Variants in PLSCR2 observed in about 807,000 individuals in gnomAD.
PLSCR2 encodes PL scramblase 2.
Under a neutral mutation model 25.3 loss-of-function variants are expected in PLSCR2, and 18 were observed. That is an observed-to-expected ratio of 0.71 (90% CI 0.49 to 1.06). The LOEUF (loss-of-function observed/expected upper bound fraction) is 1.06. Ranked by LOEUF, PLSCR2 falls within the 50% of genes least tolerant of loss-of-function variation. PLSCR2 has a pLI of 0.00. For synonymous variants in PLSCR2, 88 were observed against 87.3 expected, an observed-to-expected ratio of 1.01 and a Z score of -0.04; for missense variants, 243 against 269.5, an observed-to-expected ratio of 0.90 and a Z score of 0.69.
At chr3:146,455,396 T>C (rs1355806350) in exon 4 of PLSCR2, 5 of 1,613,750 alleles carry the variant, frequency 3.1e-6, no homozygotes, top group Non-Finnish European at 4.2e-6. Context: ...TGCTGCAAAA[T>C]AAATCCTCTG....
At chr3:146,408,037 G>T (rs1198293831) in intron 2 of PLSCR2, among the ~76,000 whole-genome samples, 2 of 152,148 alleles carry the variant, frequency 1.3e-5, no homozygotes, top group Admixed American at 1.3e-4. Flanking sequence ...ATACTGCCAG[G>T]ATGCGAGCAT....
intron 2 of PLSCR2, among the ~76,000 whole-genome samples, chr3:146,421,444 A>C (rs1306984904): frequency 6.6e-6 from 1 of 152,098 alleles, no homozygotes; most frequent in Admixed American, 6.6e-5. Flanking sequence ...ATAAAATCTC[A>C]ATTAGATCAG....
chr3:146,434,826 G>T (rs2039735410), intron 8 of PLSCR2, among the ~76,000 whole-genome samples: 1 of 151,734 alleles, frequency 6.6e-6, no homozygotes, highest in Admixed American at 6.6e-5. Flanking sequence ...CAATGTGCAG[G>T]TTTGTTACAT....
intron 1 of PLSCR2, among the ~76,000 whole-genome samples, chr3:146,472,323 A>G (rs1364051212): frequency 1.3e-5 from 2 of 152,248 alleles, no homozygotes; most frequent in African/African-American, 2.4e-5. Flanking sequence ...TGATTAATCT[A>G]TCAATTATTC....
rs768228340 is a variant in PLSCR2, at chr3:146,459,940, G to A, written c.-36C>T. ...CCTTCAGGTCTACCTGGCTGATTTT[G>A]AACAGGAATGCCAGCTGTGCCAGCA... On this transcript the variant is annotated 5_prime_UTR_variant, in exon 2 of 7. Transcript: ENST00000610787. 3 of 1,613,960 alleles carry A rather than the reference G, an allele frequency of 1.9e-6. No individual in the cohort carries two copies. In the Admixed American group the frequency reaches 5.0e-5, roughly 27 times the overall value.
chr3:146,460,478 G>A (rs1228684228), upstream of PLSCR2, among the ~76,000 whole-genome samples: 11 of 149,742 alleles, frequency 7.3e-5, no homozygotes, highest in Non-Finnish European at 1.2e-4. Flanking sequence ...TAATGGCTAT[G>A]TGTCAGCATT....
At chr3:146,464,068 G>T, upstream of PLSCR2, 1 of 636,240 alleles carries the variant, frequency 1.6e-6, no homozygotes, top group Non-Finnish European at 2.0e-6. Context: ...TCGGAATCCA[G>T]TTTGCATTAA....
chr3:146,495,862 G>C (rs566602311), intron 1 of PLSCR2: 2 of 1,511,432 alleles, frequency 1.3e-6, no homozygotes, highest in Admixed American at 3.9e-5. Context: ...TTTGAAGCAC[G>C]TTAGTCTCTG....
At chr3:146,484,146 A>G (rs2043257966) in intron 1 of PLSCR2, among the ~76,000 whole-genome samples, 1 of 151,528 alleles carries the variant, frequency 6.6e-6, no homozygotes, top group African/African-American at 2.4e-5. Context: ...TGATGCAAAC[A>G]CAAGTAAAAT....
At chr3:146,480,433 A>G (rs564664545) in intron 1 of PLSCR2, among the ~76,000 whole-genome samples, 14 of 152,310 alleles carry the variant, frequency 9.2e-5, no homozygotes, top group African/African-American at 3.4e-4. Context: ...AGAAATACAA[A>G]CTACCATAAG....
At chr3:146,402,663 T>A (rs140281082) in intron 2 of PLSCR2, among the ~76,000 whole-genome samples, 289 of 152,234 alleles carry the variant, frequency 1.9e-3, no homozygotes, top group African/African-American at 6.4e-3. Flanking sequence ...AGAGATGTGA[T>A]TGCACCATAT....
chr3:146,425,445 T>A (rs2039310532), intron 2 of PLSCR2, among the ~76,000 whole-genome samples: 1 of 151,982 alleles, frequency 6.6e-6, no homozygotes, highest in Non-Finnish European at 1.5e-5. Context: ...ATATGTAGAG[T>A]TTGGTACTAT....
At chr3:146,449,095 A>G (rs1371583336) in intron 6 of PLSCR2, 111 bp downstream of exon 6, 4 of 832,118 alleles carry the variant, frequency 4.8e-6, no homozygotes, top group Non-Finnish European at 7.6e-6. Flanking sequence ...AGAACATTTT[A>G]TAAAACCTTT....
In PLSCR2 at chr3:146,394,576, A is replaced by G. The variant is rs556922351; in HGVS notation, c.*145+1184T>C. On this transcript the variant is annotated intron_variant and NMD_transcript_variant, in intron 3 of 3. Transcript: ENST00000463633. The stretch of plus-strand genomic sequence containing the variant: ...CCACCGTGCCTGGACCAATTTAACA[A>G]TTTCTATCTATCAACTGGTAATTAC... Among the ~76,000 whole-genome samples the G allele has an allele frequency of 3.3e-5, 5 of 152,278 alleles. No homozygotes were observed. In the East Asian group the frequency reaches 7.7e-4, roughly 24 times the overall value.
At chr3:146,419,487 G>A (rs1012678357) in intron 2 of PLSCR2, among the ~76,000 whole-genome samples, 17 of 152,066 alleles carry the variant, frequency 1.1e-4, no homozygotes, top group Admixed American at 2.0e-4. Context: ...CCACTTCCAC[G>A]TACCAAAACC....
At chr3:146,475,623 T>C (rs1193948426) in intron 1 of PLSCR2, among the ~76,000 whole-genome samples, 1 of 152,248 alleles carries the variant, frequency 6.6e-6, no homozygotes, top group Non-Finnish European at 1.5e-5. Flanking sequence ...TTCTTCATTA[T>C]GTGTGACCAC....
intron 6 of PLSCR2, among the ~76,000 whole-genome samples, chr3:146,443,759 T>A (rs562834126): frequency 6.6e-6 from 1 of 152,006 alleles, no homozygotes; most frequent in Admixed American, 6.6e-5. Flanking sequence ...TTTATTTATT[T>A]ATTTTTGCTC....
intron 1 of PLSCR2, among the ~76,000 whole-genome samples, chr3:146,485,985 A>T: frequency 6.6e-6 from 1 of 152,084 alleles, no homozygotes; most frequent in South Asian, 2.1e-4. Flanking sequence ...TGATTCAATC[A>T]TCTCTTATGG....
intron 1 of PLSCR2, among the ~76,000 whole-genome samples, chr3:146,483,874 C>T (rs918903487): frequency 5.3e-5 from 8 of 151,878 alleles, no homozygotes; most frequent in African/African-American, 1.5e-4. Context: ...GGCCAGAGTG[C>T]CTCTTCTCCT....
Sources: allele counts gnomAD v4.1 joint callset (sites outside exome capture counted in the v4.1 genomes callset), GRCh38; gene constraint gnomAD v4.1.1; transcripts MANE v1.5; gene names NCBI Gene and HGNC (gene_info 2026-07-23, HGNC 2026-07-21).